Variants in ASAP2 observed in about 807,000 individuals in gnomAD.
ASAP2 encodes arf-GAP with SH3 domain, ANK repeat and PH domain-containing protein 2.
In ASAP2, 45 loss-of-function variants were observed where a neutral mutation model predicts 131.4. The observed-to-expected ratio is 0.34, with a 90% CI of 0.27 to 0.44. The LOEUF (loss-of-function observed/expected upper bound fraction) is 0.44. Ranked by LOEUF, ASAP2 falls within the 20% of genes least tolerant of loss-of-function variation. ASAP2 has a pLI of 1.00. For missense variants in ASAP2, 1,011 were observed against 1,297.0 expected, an observed-to-expected ratio of 0.78 and a Z score of 3.39; for synonymous variants, 510 against 503.0, an observed-to-expected ratio of 1.01 and a Z score of -0.19.
intron 12 of ASAP2, among the ~76,000 whole-genome samples, chr2:9,353,555 A>T (rs1317469331): frequency 1.9e-5 from 1 of 53,422 alleles, no homozygotes; most frequent in Non-Finnish European, 3.2e-5. Context: ...AGACTGTCTA[A>T]AAAAAAAAAA....
chr2:9,329,403 A>C (rs1670686303), intron 7 of ASAP2, among the ~76,000 whole-genome samples: 1 of 152,200 alleles, frequency 6.6e-6, no homozygotes, highest in African/African-American at 2.4e-5. Context: ...GAGGAAAACA[A>C]AGTTCTTGCC....
At chr2:9,300,320 T>C (rs1668405696) in intron 3 of ASAP2, among the ~76,000 whole-genome samples, 1 of 152,254 alleles carries the variant, frequency 6.6e-6, no homozygotes, top group Non-Finnish European at 1.5e-5. Context: ...CTCCACACCA[T>C]GGAATCCGGA....
intron 2 of ASAP2, among the ~76,000 whole-genome samples, chr2:9,287,672 G>C (rs912270634): frequency 1.3e-5 from 2 of 152,226 alleles, no homozygotes; most frequent in Admixed American, 1.3e-4. Flanking sequence ...CCTGCAGCGG[G>C]TGGACGGCCT....
intron 2 of ASAP2, among the ~76,000 whole-genome samples, chr2:9,294,450 A>G (rs1253398803): frequency 6.6e-6 from 1 of 152,160 alleles, no homozygotes; most frequent in African/African-American, 2.4e-5. Flanking sequence ...CTCTCCTACC[A>G]AGGGCTGGAG....
chr2:9,356,391 T>G, intron 14 of ASAP2, 46 bp downstream of exon 14: 1 of 1,504,478 alleles, frequency 6.6e-7, no homozygotes, highest in Non-Finnish European at 8.9e-7. Flanking sequence ...GACATTTCAA[T>G]CCCATTCTGA....
intron 6 of ASAP2, among the ~76,000 whole-genome samples, chr2:9,326,276 C>T (rs949496741): frequency 1.3e-5 from 2 of 152,144 alleles, no homozygotes; most frequent in Non-Finnish European, 2.9e-5. Context: ...GACTGTTTCC[C>T]CAAACTGAAG....
intron 1 of ASAP2, among the ~76,000 whole-genome samples, chr2:9,253,756 T>G (rs553578096): frequency 6.6e-6 from 1 of 152,302 alleles, no homozygotes; most frequent in South Asian, 2.1e-4. Flanking sequence ...TCCTTTGCAT[T>G]GCTGAATAAT....
At chr2:9,339,318 C>T (rs1254005902) in intron 9 of ASAP2, among the ~76,000 whole-genome samples, 2 of 152,040 alleles carry the variant, frequency 1.3e-5, no homozygotes, top group Non-Finnish European at 2.9e-5. Flanking sequence ...TGGATCTTGG[C>T]ATTTGAATCC....
intron 3 of ASAP2, among the ~76,000 whole-genome samples, chr2:9,313,090 T>G (rs1188324811): frequency 6.6e-6 from 1 of 151,978 alleles, no homozygotes; most frequent in Non-Finnish European, 1.5e-5. Context: ...CAATTGGTTG[T>G]TGAGTGTCTC....
intron 1 of ASAP2, among the ~76,000 whole-genome samples, chr2:9,240,044 G>GA (rs1663838231): frequency 6.6e-6 from 1 of 152,022 alleles, no homozygotes; most frequent in African/African-American, 2.4e-5. Flanking sequence ...AAGTCAGGGT[G>GA]AAAAAACTAG....
intron 3 of ASAP2, among the ~76,000 whole-genome samples, chr2:9,306,917 GC>G (rs1026882113): frequency 1.3e-5 from 2 of 151,972 alleles, no homozygotes; most frequent in African/African-American, 4.8e-5. Context: ...CACTGGAATC[GC>G]CTGGGGCTTC....
intron 18 of ASAP2, among the ~76,000 whole-genome samples, chr2:9,377,279 C>T (rs1674482335): frequency 6.6e-6 from 1 of 152,178 alleles, no homozygotes; most frequent in Non-Finnish European, 1.5e-5. Context: ...ACCCCATGAC[C>T]ACCCTCTGTG....
chr2:9,317,235 CCA>C (rs1375489557), intron 3 of ASAP2, among the ~76,000 whole-genome samples: 1 of 148,246 alleles, frequency 6.7e-6, no homozygotes, highest in Non-Finnish European at 1.5e-5. Flanking sequence ...AATCACACAA[CCA>C]CACTCATACA....
rs762982469 is a variant in ASAP2, at chr2:9,344,507, A to G, written c.850-25A>G. On this transcript the variant is annotated intron_variant, in intron 9 of 27. Coordinates refer to ENST00000281419, the MANE Select transcript of ASAP2 (RefSeq NM_003887.3). The stretch of plus-strand genomic sequence containing the variant: ...AAAATTAGGACCTGGACAAGATTAA[A>G]AACACACTCTTCACCATTTTTTAGG... The G allele has an allele frequency of 5.0e-6, 8 of 1,591,502 alleles. No individual in the cohort carries two copies. The East Asian group carries it at 1.8e-4, about 36-fold the overall frequency.
intron 1 of ASAP2, among the ~76,000 whole-genome samples, chr2:9,278,267 TG>T (rs1558290364): frequency 1.3e-5 from 2 of 151,996 alleles, no homozygotes; most frequent in African/African-American, 4.8e-5. Flanking sequence ...TTACCCAGCA[TG>T]TTGGGAGGTT....
chr2:9,388,484 C>T lies in ASAP2; in HGVS notation c.2321C>T (p.Ala774Val). The T allele has an allele frequency of 1.2e-6, 2 of 1,614,016 alleles. No homozygotes were observed. Among genetic ancestry groups the T allele is most frequent in the Non-Finnish European group, 8.5e-7 (1 of 1,179,986 alleles). ...CTCCTGAGTGGCAGCCCACCTCCCGCCCAGCCTGCAGCCCCCAGCACCACC... is the reference window on the plus strand; with the variant it reads ...CTCCTGAGTGGCAGCCCACCTCCCGTCCAGCCTGCAGCCCCCAGCACCACC... Reference protein sequence around the residue: ...GALLSGSPPPAQPAAPSTTSA... With the variant: ...GALLSGSPPPVQPAAPSTTSA... Residue 774 changes from alanine (A) to valine (V), a missense_variant, in exon 22 of 28, where the codon GCC becomes GTC. Physicochemically the swap from Ala to Val is moderately conservative, Grantham distance 64 (BLOSUM62 0). This residue lies in a region of ASAP2 where 652 missense variants were observed against 698.9 expected (regional missense o/e 0.93). Transcript: ENST00000281419.
Position 9,273,231 on chromosome 2 carries a change from G to T in ASAP2, c.127-6086G>T, listed in dbSNP as rs184042469. ...GTCCTCTTCAATTTCTTACATCATC[G>T]TTTTATAGTTTTCGCTGTAGAGATC... On this transcript the variant is annotated intron_variant, in intron 1 of 27. Transcript: ENST00000281419. Among the ~76,000 whole-genome samples the T allele has an allele frequency of 4.0e-3, 610 of 152,114 alleles. 6 individuals carry two copies. Among genetic ancestry groups the T allele is most frequent in the African/African-American group, 0.014 (581 of 41,506 alleles).
intron 5 of ASAP2, among the ~76,000 whole-genome samples, chr2:9,320,858 G>A (rs1670108021): frequency 6.6e-6 from 1 of 152,170 alleles, no homozygotes; most frequent in African/African-American, 2.4e-5. Flanking sequence ...TCTTGGATGT[G>A]AACTACGGTT....
rs192142492 is a variant in ASAP2 at position 9,364,805 on chromosome 2, T to C, written c.1462-3620T>C. ...AGGGCAACAGGAAATTGACTATCAG[T>C]GGTCATTTACGGAGGAACTGTTATG... On this transcript the variant is annotated intron_variant, in intron 15 of 27. Coordinates refer to ENST00000281419, the MANE Select transcript of ASAP2 (RefSeq NM_003887.3). Among the ~76,000 whole-genome samples the C allele has an allele frequency of 1.3e-4, 20 of 152,286 alleles. 1 individual carries two copies. Among genetic ancestry groups the C allele is most frequent in the African/African-American group, 4.8e-4 (20 of 41,556 alleles).
Sources: allele counts gnomAD v4.1 joint callset (sites outside exome capture counted in the v4.1 genomes callset), GRCh38; gene constraint gnomAD v4.1.1; regional missense constraint gnomAD v4.1.1; transcripts MANE v1.5; gene names NCBI Gene and HGNC (gene_info 2026-07-23, HGNC 2026-07-21).